The following PTPRK variants were observed in gnomAD, a reference collection of about 807,000 sequenced individuals.
PTPRK encodes receptor-type tyrosine-protein phosphatase kappa.
PTPRK carries 75 observed loss-of-function variants against 178.0 expected under a neutral mutation model. The observed-to-expected ratio is 0.42, with a 90% CI of 0.35 to 0.51. The LOEUF is 0.51. Ranked by LOEUF, PTPRK falls within the 20% of genes least tolerant of loss-of-function variation. The pLI, the probability that PTPRK is intolerant of heterozygous loss-of-function variation, is 0.02. For missense variants in PTPRK, 1,441 were observed against 1,797.8 expected (o/e 0.80, Z 3.59); for synonymous variants, 637 against 620.6 (o/e 1.03, Z -0.39).
At chr6:128,299,103 G>A (rs1338263213) in intron 3 of PTPRK, among the ~76,000 whole-genome samples, 1 of 152,136 alleles carries the variant, frequency 6.6e-6, no homozygotes, top group East Asian at 1.9e-4. Flanking sequence ...CAAATCATGA[G>A]TGAACTCCCA....
intron 7 of PTPRK, among the ~76,000 whole-genome samples, chr6:128,120,606 C>A (rs1258649953): frequency 1.3e-5 from 2 of 151,862 alleles, no homozygotes; most frequent in Non-Finnish European, 2.9e-5. Flanking sequence ...GGAAAAATTT[C>A]TTTACTTATT....
chr6:128,216,634 A>G (rs148315518), intron 6 of PTPRK, among the ~76,000 whole-genome samples: 2 of 152,234 alleles, frequency 1.3e-5, no homozygotes, highest in East Asian at 3.9e-4. Context: ...TTTAACAAGT[A>G]ATACTGCTGG....
At chr6:128,115,110 C>G (rs185868674) in intron 7 of PTPRK, among the ~76,000 whole-genome samples, 3 of 152,222 alleles carry the variant, frequency 2.0e-5, no homozygotes, top group Admixed American at 1.3e-4. Context: ...ATATCAAGCA[C>G]TTGGCATTCT....
At chr6:128,329,810 G>A (rs1194005738) in intron 2 of PTPRK, among the ~76,000 whole-genome samples, 1 of 151,992 alleles carries the variant, frequency 6.6e-6, no homozygotes, top group African/African-American at 2.4e-5. Flanking sequence ...TAGAAATAAT[G>A]TTTAACCTAA....
intron 1 of PTPRK, among the ~76,000 whole-genome samples, chr6:128,469,602 A>C (rs1468180891): frequency 1.3e-5 from 2 of 152,196 alleles, no homozygotes; most frequent in African/African-American, 2.4e-5. Flanking sequence ...GTGAATATTT[A>C]GATTAGACTT....
chr6:128,061,198 A>G (rs912054087), intron 13 of PTPRK, among the ~76,000 whole-genome samples: 15 of 152,180 alleles, frequency 9.9e-5, no homozygotes, highest in African/African-American at 3.4e-4. Flanking sequence ...CATACAAAAT[A>G]CAACTTTTTC....
chr6:128,038,139 C>CATA (rs1388559454), intron 13 of PTPRK, among the ~76,000 whole-genome samples: 1 of 152,098 alleles, frequency 6.6e-6, no homozygotes, highest in Non-Finnish European at 1.5e-5. Flanking sequence ...TGGTAATACG[C>CATA]ATATTTATCT....
chr6:128,082,221 C>G (rs1784950802), intron 10 of PTPRK, among the ~76,000 whole-genome samples: 1 of 151,704 alleles, frequency 6.6e-6, no homozygotes, highest in Non-Finnish European at 1.5e-5. Context: ...TTTTTAAGAC[C>G]ACTGTCAATC....
chr6:128,502,727 T>C (rs192623387), intron 1 of PTPRK, among the ~76,000 whole-genome samples: 1 of 152,310 alleles, frequency 6.6e-6, no homozygotes, highest in Non-Finnish European at 1.5e-5. Context: ...ACAGAGGTAA[T>C]AAATCAAAAC....
At chr6:128,016,808 T>C (rs549245899) in intron 13 of PTPRK, among the ~76,000 whole-genome samples, 1 of 152,020 alleles carries the variant, frequency 6.6e-6, no homozygotes, top group African/African-American at 2.4e-5. Flanking sequence ...CGTCCCCACA[T>C]ACATATCCAG....
chr6:128,067,446 A>C, intron 12 of PTPRK, 73 bp downstream of exon 12: 2 of 1,387,170 alleles, frequency 1.4e-6, no homozygotes, highest in South Asian at 1.7e-5. Context: ...GACGGATGCT[A>C]CTGAGTATTC....
chr6:128,334,081 C>T (rs1186644159), intron 2 of PTPRK, among the ~76,000 whole-genome samples: 1 of 152,100 alleles, frequency 6.6e-6, no homozygotes, highest in Non-Finnish European at 1.5e-5. Flanking sequence ...CAGTTAAGCT[C>T]ACCATCTTAT....
In PTPRK at chr6:128,067,628, G is replaced by A. The variant is rs1782042094; in HGVS notation, c.2048C>T (p.Ala683Val). 6.2e-7 allele frequency: 1 copy of A among 1,613,520 alleles called. No individual in the cohort carries two copies. Reference protein sequence around the residue: ...ELPPGNLPEPAPFTVGDNRTY... With the variant: ...ELPPGNLPEPVPFTVGDNRTY... ...CCGATTGTCACCCACAGTGAACGGG[G>A]CAGGCTCAGGTAGGTTTCCCGGGGG... is the stretch of plus-strand genomic sequence containing the variant. The change falls in exon 12 of 30, where the codon GCC becomes GTC. Residue 683 changes from alanine (A) to valine (V), a missense_variant. This residue lies in a region of PTPRK where 945 missense variants were observed against 1,080.6 expected (regional missense o/e 0.87). Coordinates refer to ENST00000368226, the MANE Select transcript of PTPRK (RefSeq NM_002844.4).
chr6:128,373,252 A>G (rs916679885), intron 2 of PTPRK, among the ~76,000 whole-genome samples: 1 of 152,204 alleles, frequency 6.6e-6, no homozygotes, highest in African/African-American at 2.4e-5. Context: ...GTTAGTTCAC[A>G]TTTTGATGTG....
At chr6:128,516,035 G>A (rs146621247) in intron 1 of PTPRK, among the ~76,000 whole-genome samples, 1 of 152,122 alleles carries the variant, frequency 6.6e-6, no homozygotes, top group East Asian at 1.9e-4. Context: ...AGATTTGGTG[G>A]GAATGTTGGC....
At chr6:128,271,255 CA>C (rs1182280502) in intron 3 of PTPRK, among the ~76,000 whole-genome samples, 1 of 152,080 alleles carries the variant, frequency 6.6e-6, no homozygotes, top group Non-Finnish European at 1.5e-5. Context: ...GTTGCCAAGT[CA>C]AAAGCAAAGG....
intron 3 of PTPRK, among the ~76,000 whole-genome samples, chr6:128,318,136 G>T (rs1409738631): frequency 6.6e-6 from 1 of 152,120 alleles, no homozygotes; most frequent in Admixed American, 6.5e-5. Context: ...AGTTCTGAGA[G>T]CTATGACAGA....
intron 2 of PTPRK, among the ~76,000 whole-genome samples, chr6:128,332,088 G>T (rs147669162): frequency 6.6e-6 from 1 of 152,086 alleles, no homozygotes; most frequent in Non-Finnish European, 1.5e-5. Flanking sequence ...GAATTTACCC[G>T]CTACACTACA....
intron 1 of PTPRK, among the ~76,000 whole-genome samples, chr6:128,449,942 A>C (rs1315694364): frequency 1.5e-4 from 1 of 6,892 alleles, no homozygotes; most frequent in East Asian, 6.7e-4. Context: ...CTAAAAATGC[A>C]AAAAAAAAAA....
Sources: gnomAD v4.1 joint callset for allele counts (sites outside exome capture counted in the v4.1 genomes callset) on GRCh38, gnomAD v4.1.1 for gene constraint, gnomAD v4.1.1 regional missense constraint, MANE v1.5 for transcripts, NCBI Gene and HGNC (gene_info 2026-07-23, HGNC 2026-07-21) for gene names.